Variants in AFF3 observed in about 807,000 individuals in gnomAD.
AFF3 encodes ALF transcription elongation factor 3.
AFF3 carries 32 observed loss-of-function variants against 129.7 expected under a neutral mutation model. The ratio of observed to expected loss-of-function variants is 0.25; its 90% CI spans 0.19 to 0.33. The LOEUF (loss-of-function observed/expected upper bound fraction) is 0.33, where lower values mean the gene tolerates loss of function less well. Ranked by LOEUF, AFF3 falls within the 10% of genes least tolerant of loss-of-function variation. The pLI is 1.00. For missense variants in AFF3, 1,373 were observed against 1,592.0 expected (o/e 0.86, Z 2.34); for synonymous variants, 644 against 635.4 (o/e 1.01, Z -0.20).
Position 99,594,288 on chromosome 2 carries a change from G to T in AFF3, c.1373C>A (p.Ala458Asp). 6.3e-7 allele frequency: 1 copy of T among 1,592,936 alleles called. No individual in the cohort carries two copies. Among genetic ancestry groups the T allele is most frequent in the African/African-American group, 1.3e-5 (1 of 74,648 alleles). Residue 458 changes from alanine (A) to aspartate (D), a missense_variant and splice_region_variant, in exon 15 of 25, where the codon GCT (alanine) becomes GAT (aspartate). Transcript: ENST00000672756. ...SKPPHFSSPE[A>D]EPASSNKWQL... ...CCACTTGTTAGAGGATGCCGGTTCAGCCTGAAAGCAGAAAACCGGTGACAA... is the reference window on the plus strand; with the variant it reads ...CCACTTGTTAGAGGATGCCGGTTCATCCTGAAAGCAGAAAACCGGTGACAA...
chr2:99,620,278 A>G (rs1681864374), intron 13 of AFF3, among the ~76,000 whole-genome samples: 1 of 152,144 alleles, frequency 6.6e-6, no homozygotes, highest in Non-Finnish European at 1.5e-5. Flanking sequence ...CTTGGACTAG[A>G]TGATTTCTGT....
intron 7 of AFF3, among the ~76,000 whole-genome samples, chr2:99,954,633 G>A (rs1676459681): frequency 6.6e-6 from 1 of 151,658 alleles, no homozygotes; most frequent in Non-Finnish European, 1.5e-5. Context: ...GATGAAATTG[G>A]AAATCATCAT....
chr2:99,593,229 T>C lies in AFF3; in HGVS notation c.2432A>G (p.Glu811Gly), dbSNP rs1678907506. The C allele has an allele frequency of 5.0e-6, 8 of 1,597,370 alleles. No individual in the cohort carries two copies. The highest frequency in any genetic ancestry group is 4.4e-5 in the South Asian group (4 of 89,946). ...PPSHTSDTPA[E>G]KALPKSKRKR... Reference sequence around the variant, plus strand: ...CCTCTTGGATTTTGGCAAAGCCTTTTCTGCAGGTGTGTCCGAGGTGTGGCT... The same window carrying C: ...CCTCTTGGATTTTGGCAAAGCCTTTCCTGCAGGTGTGTCCGAGGTGTGGCT... The change falls in exon 15 of 25, where the codon GAA (glutamate) becomes GGA (glycine). Residue 811 changes from glutamate (E) to glycine (G), a missense_variant. By Grantham distance (98) the Glu-to-Gly change is moderately conservative. This residue lies in a region of AFF3 where 466 missense variants were observed against 505.0 expected (regional missense o/e 0.92). Transcript: ENST00000672756.
At chr2:99,668,445 C>T (rs1364242869) in intron 12 of AFF3, among the ~76,000 whole-genome samples, 1 of 152,026 alleles carries the variant, frequency 6.6e-6, no homozygotes, top group African/African-American at 2.4e-5. Context: ...GCTGGGATTA[C>T]AGGCATGAGC....
Position 99,568,932 on chromosome 2 carries a change from A to G in AFF3, c.2919-17T>C. Reference sequence around the variant, plus strand: ...CTGCGAGGCCTACAAGGAGAGAATGATATTAAACGTCATTATGGCTTAAGT... The same window carrying G: ...CTGCGAGGCCTACAAGGAGAGAATGGTATTAAACGTCATTATGGCTTAAGT... On this transcript the variant is annotated splice_polypyrimidine_tract_variant and intron_variant, in intron 18 of 24. Transcript: ENST00000672756. 1 of 1,611,276 alleles carries G rather than the reference A, an allele frequency of 6.2e-7. No homozygotes were observed. Among genetic ancestry groups the G allele is most frequent in the South Asian group, 1.1e-5 (1 of 90,998 alleles).
chr2:99,944,871 G>C (rs1259142569), intron 7 of AFF3, among the ~76,000 whole-genome samples: 9 of 152,186 alleles, frequency 5.9e-5, no homozygotes, highest in Non-Finnish European at 1.3e-4. Flanking sequence ...TTACACTTGA[G>C]AGAAAATATA....
chr2:99,629,565 A>T (rs1682938049), intron 13 of AFF3, among the ~76,000 whole-genome samples: 1 of 152,224 alleles, frequency 6.6e-6, no homozygotes, highest in Non-Finnish European at 1.5e-5. Context: ...TACTGAGTGC[A>T]GCTTTCCTTT....
intron 13 of AFF3, among the ~76,000 whole-genome samples, chr2:99,621,889 TG>T (rs1247048864): frequency 6.6e-6 from 1 of 151,992 alleles, no homozygotes; most frequent in Non-Finnish European, 1.5e-5. Flanking sequence ...GCGAGTTGTG[TG>T]GGGGAAGCTG....
intron 11 of AFF3, among the ~76,000 whole-genome samples, chr2:99,700,432 T>C (rs1053319778): frequency 1.3e-5 from 2 of 152,248 alleles, no homozygotes; most frequent in African/African-American, 2.4e-5. Flanking sequence ...GCCTCTGTTT[T>C]ATTGGCTTCT....
chr2:100,055,323 T>C (rs1431384846), intron 4 of AFF3, among the ~76,000 whole-genome samples: 1 of 152,066 alleles, frequency 6.6e-6, no homozygotes, highest in African/African-American at 2.4e-5. Context: ...CATCCAGAGA[T>C]TGGATTGCAC....
intron 2 of AFF3, chr2:100,109,890 C>T (rs1014982276): frequency 1.3e-5 from 2 of 152,200 alleles, no homozygotes; most frequent in Non-Finnish European, 2.9e-5. Flanking sequence ...CCTCCCACAA[C>T]TTTTGCCTTA....
intron 12 of AFF3, among the ~76,000 whole-genome samples, chr2:99,665,981 T>A (rs768895404): frequency 7.2e-5 from 11 of 152,104 alleles, no homozygotes; most frequent in Non-Finnish European, 1.5e-4. Flanking sequence ...GCATTTCTGG[T>A]AAAGAGATGG....
At chr2:100,132,799 G>A (rs1692475699) in intron 1 of AFF3, among the ~76,000 whole-genome samples, 1 of 151,956 alleles carries the variant, frequency 6.6e-6, no homozygotes, top group African/African-American at 2.4e-5. Flanking sequence ...ACATTGAAAT[G>A]ATAATATTTT....
chr2:99,992,039 T>A lies in AFF3; in HGVS notation c.873+14593A>T, dbSNP rs1181521784. On this transcript the variant is annotated intron_variant, in intron 7 of 24. Transcript: ENST00000672756. Reference sequence around the variant, plus strand: ...TAAAAAAAAAAGGAACTTGGAAAAGTGAATTTATTTTCACTAGAATGTATA... The same window carrying A: ...TAAAAAAAAAAGGAACTTGGAAAAGAGAATTTATTTTCACTAGAATGTATA... Among the ~76,000 whole-genome samples, 7 of 151,994 alleles carry A rather than the reference T, an allele frequency of 4.6e-5. No individual in the cohort carries two copies. The East Asian group carries it at 1.4e-3, about 29-fold the overall frequency.
At chr2:99,857,950 C>A (rs1458168210) in intron 7 of AFF3, among the ~76,000 whole-genome samples, 1 of 152,182 alleles carries the variant, frequency 6.6e-6, no homozygotes, top group Non-Finnish European at 1.5e-5. Flanking sequence ...CACTCCCCTC[C>A]TCCTCCCACT....
chr2:99,648,344 T>C (rs922928182), intron 13 of AFF3, among the ~76,000 whole-genome samples: 1 of 151,936 alleles, frequency 6.6e-6, no homozygotes, highest in Non-Finnish European at 1.5e-5. Context: ...ACTGCTTACT[T>C]AAGAAGAAAA....
At chr2:99,638,664 A>T (rs1457496793) in intron 13 of AFF3, among the ~76,000 whole-genome samples, 1 of 152,164 alleles carries the variant, frequency 6.6e-6, no homozygotes, top group African/African-American at 2.4e-5. Context: ...CAAACCCAGG[A>T]AAGAGAACAT....
At chr2:99,603,083 G>A (rs1679989769) in intron 13 of AFF3, among the ~76,000 whole-genome samples, 1 of 152,190 alleles carries the variant, frequency 6.6e-6, no homozygotes, top group Admixed American at 6.5e-5. Flanking sequence ...GACAACATCT[G>A]CACATTTATG....
intron 7 of AFF3, among the ~76,000 whole-genome samples, chr2:99,883,590 C>T (rs895856310): frequency 6.6e-6 from 1 of 152,196 alleles, no homozygotes; most frequent in African/African-American, 2.4e-5. Context: ...CTACTACATT[C>T]CTCAAAGGTC....
Sources: gnomAD v4.1 joint callset for allele counts (sites outside exome capture counted in the v4.1 genomes callset) on GRCh38, gnomAD v4.1.1 for gene constraint, gnomAD v4.1.1 regional missense constraint, MANE v1.5 for transcripts, NCBI Gene and HGNC (gene_info 2026-07-23, HGNC 2026-07-21) for gene names.